FKBP8: variants seen among roughly 807,000 people sequenced by gnomAD.
FKBP8 encodes the protein peptidyl-prolyl cis-trans isomerase FKBP8.
In FKBP8, 5 loss-of-function variants were observed where a neutral mutation model predicts 41.7. That is an observed-to-expected ratio of 0.12 (90% CI 0.06 to 0.25). The LOEUF (loss-of-function observed/expected upper bound fraction) is 0.25, where lower values mean the gene tolerates loss of function less well. Ranked by LOEUF, FKBP8 falls within the 10% of genes least tolerant of loss-of-function variation. The probability of loss-of-function intolerance (pLI) is 1.00; values close to 1 mark genes in which losing one functional copy is unlikely to be tolerated. For missense variants in FKBP8, 397 were observed against 563.0 expected (o/e 0.71, Z 2.98); for synonymous variants, 279 against 254.5 (o/e 1.10, Z -0.92).
chr19:18,542,890 G>T, intron 1 of FKBP8: 1 of 1,279,058 alleles, frequency 7.8e-7, no homozygotes, highest in Non-Finnish European at 1.0e-6. Context: ...ACCCTCACCT[G>T]CCTGCTCCTC....
At position 18,537,455 on chromosome 19, in the gene FKBP8, G is replaced by T; in HGVS notation, c.945+146C>A. ...ATTGTTGTGACCAGGCCACACTCCT[G>T]CACCCGTCTGGGCCTCAGTTTCTCC... On this transcript the variant is annotated intron_variant, in intron 6 of 8. Transcript: ENST00000608443. The surrounding 1 kb of genome is among the most constrained non-coding windows in gnomAD (Gnocchi z 4.4). 1.4e-6 allele frequency: 1 copy of T among 690,652 alleles called. No homozygotes were observed. The highest frequency in any genetic ancestry group is 2.2e-6 in the Non-Finnish European group (1 of 444,514). The allele number at this position is 690,652 out of a possible 1,614,324, so 42.8% of individuals were successfully genotyped here.
chr19:18,532,126 C>T lies in FKBP8; in HGVS notation c.*43G>A, dbSNP rs371306435. ...CCTGGGGGAGTTGGGGAGCGCAGGG[C>T]AGGGTCCATGGTGTGCAGAGGGGGT... On this transcript the variant is annotated 3_prime_UTR_variant, in exon 9 of 9. Coordinates refer to ENST00000608443, the MANE Select transcript of FKBP8 (RefSeq NM_012181.5). 1 of 1,511,886 alleles carries T rather than the reference C, an allele frequency of 6.6e-7. No homozygotes were observed. Among genetic ancestry groups the T allele is most frequent in the Non-Finnish European group, 9.0e-7 (1 of 1,108,708 alleles). 93.7% of individuals were successfully genotyped at this position (1,511,886 alleles called of 1,614,324 possible).
At chr19:18,532,597 C>A in intron 8 of FKBP8, 67 bp downstream of exon 8, 1 of 1,581,482 alleles carries the variant, frequency 6.3e-7, no homozygotes, top group Non-Finnish European at 8.6e-7. Flanking sequence ...TCCATGTATG[C>A]AAAATAAAAT....
Position 18,539,536 on chromosome 19 carries a change from C to T in FKBP8, c.462+15G>A, listed in dbSNP as rs781668642. The T allele has an allele frequency of 9.3e-6, 15 of 1,612,260 alleles. No homozygotes were observed. Among genetic ancestry groups the T allele is most frequent in the Admixed American group, 1.7e-5 (1 of 59,990 alleles). On this transcript the variant is annotated intron_variant, in intron 3 of 8. Transcript: ENST00000608443. ...CACGCCCCTCGCCCCTGCCCTGTCC[C>T]GCCCCAGCCCGCACCTGGATGACGT...
rs1165932658 is a variant in FKBP8 at position 18,538,808 on chromosome 19, C to CTTTTT, written c.552-377_552-373dup. ...GACTACAGGTGTGCACCACACCCAG[C>CTTTTT]TTTTTTTTTTTTTTTTTTTTTTTTT... is the stretch of plus-strand genomic sequence containing the variant. On this transcript the variant is annotated intron_variant, in intron 4 of 8. Transcript: ENST00000608443. This position sits in a 1 kb window ranked among gnomAD's most constrained non-coding sequence, Gnocchi z 4.0. Among the ~76,000 whole-genome samples the CTTTTT allele has an allele frequency of 9.8e-6, 1 of 102,206 alleles. No individual in the cohort carries two copies. Among genetic ancestry groups the CTTTTT allele is most frequent in the Non-Finnish European group, 1.8e-5 (1 of 55,794 alleles). The allele number at this position is 102,206 out of a possible 152,430, so 67.1% of individuals were successfully genotyped here. A position where few individuals can be genotyped will look rare whatever the true frequency, so the allele number is the denominator to read the frequency against.
chr19:18,543,118 A>G, intron 1 of FKBP8: 1 of 228,840 alleles, frequency 4.4e-6, no homozygotes, highest in Non-Finnish European at 8.2e-6. Context: ...CGCTCTCCTG[A>G]CGCCCCACAG....
Sources: gnomAD v4.1 joint callset for allele counts (sites outside exome capture counted in the v4.1 genomes callset) on GRCh38, gnomAD v4.1.1 for gene constraint, Gnocchi (gnomAD v3.1) non-coding constraint, MANE v1.5 for transcripts, NCBI Gene and HGNC (gene_info 2026-07-23, HGNC 2026-07-21) for gene names.